Variants in FAM47E observed in about 807,000 individuals in gnomAD.
The protein encoded by FAM47E is protein FAM47E.
FAM47E carries 32 observed loss-of-function variants against 41.6 expected under a neutral mutation model. The ratio of observed to expected loss-of-function variants is 0.77; its 90% CI spans 0.58 to 1.03. The LOEUF (loss-of-function observed/expected upper bound fraction) is 1.03. Among genes scored for constraint, FAM47E ranks in the 50% least tolerant of loss-of-function variants. The probability of loss-of-function intolerance (pLI) is 0.00; values close to 1 mark genes in which losing one functional copy is unlikely to be tolerated. For synonymous variants in FAM47E, 184 were observed against 188.7 expected (o/e 0.98, Z 0.20); for missense variants, 424 against 485.4 (o/e 0.87, Z 1.19).
chr4:76,256,580 A>C (rs755336012), intron 2 of FAM47E, 57 bp downstream of exon 2: 41 of 1,469,966 alleles, frequency 2.8e-5, no homozygotes, highest in Non-Finnish European at 3.6e-5. Context: ...AAATAATTCT[A>C]TCTAAATGTC....
At chr4:76,267,896 T>C (rs1734708326) in intron 3 of FAM47E, 1 of 151,872 alleles carries the variant, frequency 6.6e-6, no homozygotes, top group Non-Finnish European at 1.5e-5. Flanking sequence ...AATGGGGAAA[T>C]GGTGAGTGAT....
chr4:76,266,171 G>T (rs904299441), intron 3 of FAM47E, among the ~76,000 whole-genome samples: 1 of 152,118 alleles, frequency 6.6e-6, no homozygotes, highest in Admixed American at 6.6e-5. Context: ...GGACCTCTCC[G>T]TAGTCATCTT....
chr4:76,271,585 TGAA>T lies in FAM47E; in HGVS notation c.690_692del (p.Glu231del). Reference sequence around the variant, plus strand: ...TCTTCCAGGGAATTTCGGACATCGATGAAGAGTTCATCTTGAAACAGTTTGACA... The same window carrying T: ...TCTTCCAGGGAATTTCGGACATCGATGAGTTCATCTTGAAACAGTTTGACA... On this transcript the variant is annotated inframe_deletion, in exon 5 of 8. Transcript: ENST00000424749. 1 of 1,552,178 alleles carries T rather than the reference TGAA, an allele frequency of 6.4e-7. No homozygotes were observed. The highest frequency in any genetic ancestry group is 8.7e-7 in the Non-Finnish European group (1 of 1,147,092).
At chr4:76,214,176 A>G (rs1733150763) in exon 1 of FAM47E, 1 of 452,964 alleles carries the variant, frequency 2.2e-6, no homozygotes, top group South Asian at 1.6e-5. Flanking sequence ...TGGCTGGGAC[A>G]TTCCCCTGCT....
chr4:76,219,525 C>T (rs945459017), intron 2 of FAM47E, among the ~76,000 whole-genome samples: 6 of 151,982 alleles, frequency 3.9e-5, no homozygotes, highest in Non-Finnish European at 5.9e-5. Flanking sequence ...ATAAACAACA[C>T]GAGAGGTCAC....
upstream of FAM47E, chr4:76,251,592 G>C: frequency 7.7e-7 from 1 of 1,303,232 alleles, no homozygotes; most frequent in Non-Finnish European, 9.8e-7. Flanking sequence ...CCCAGGCGTC[G>C]GAGAAGGGGT....
rs1243070439 is a variant in FAM47E at position 76,282,382 on chromosome 4, T to C, written c.1105-999T>C. The C allele has an allele frequency of 5.3e-5, 8 of 152,244 alleles. No homozygotes were observed. In the South Asian group the frequency reaches 6.2e-4, roughly 12 times the overall value. 9.4% of individuals were successfully genotyped at this position (152,244 alleles called of 1,614,324 possible). A position where few individuals can be genotyped will look rare whatever the true frequency, so the allele number is the denominator to read the frequency against. The stretch of plus-strand genomic sequence containing the variant: ...TCCATATGGACAGGCGCCCCCCATG[T>C]GTCCGTTTATAGGCTTTCCACAAGG... On this transcript the variant is annotated intron_variant, in intron 7 of 7. Transcript: ENST00000424749.
At chr4:76,250,380 G>A (rs972400177), upstream of FAM47E, among the ~76,000 whole-genome samples, 1 of 152,014 alleles carries the variant, frequency 6.6e-6, no homozygotes, top group Non-Finnish European at 1.5e-5. Context: ...GTCTATTCAT[G>A]TCCTTAGCCC....
At chr4:76,223,445 C>G (rs886354492) in intron 2 of FAM47E, among the ~76,000 whole-genome samples, 1 of 152,200 alleles carries the variant, frequency 6.6e-6, no homozygotes, top group Admixed American at 6.5e-5. Context: ...TGTGAGAAGA[C>G]AGCAGAATCC....
intron 7 of FAM47E, 53 bp downstream of exon 7, chr4:76,280,394 GT>G: frequency 1.9e-6 from 2 of 1,047,162 alleles, no homozygotes; most frequent in Admixed American, 2.4e-5. Context: ...ATGGCTCACA[GT>G]TGTTGACGGG....
chr4:76,249,556 G>A (rs777923695), upstream of FAM47E, among the ~76,000 whole-genome samples: 45 of 151,732 alleles, frequency 3.0e-4, no homozygotes, highest in Non-Finnish European at 4.4e-4. Flanking sequence ...CTGGGCATCC[G>A]TTATTTGTTT....
At chr4:76,263,917 TTCTCA>T in intron 3 of FAM47E, 74 bp downstream of exon 3, 1 of 1,503,356 alleles carries the variant, frequency 6.7e-7, no homozygotes, top group South Asian at 1.3e-5. Context: ...TTCTTAAAAC[TTCTCA>T]TCTTTAGAAT....
chr4:76,219,560 A>G (rs1733271455), intron 2 of FAM47E, among the ~76,000 whole-genome samples: 1 of 152,162 alleles, frequency 6.6e-6, no homozygotes, highest in African/African-American at 2.4e-5. Context: ...GATGTGTTCC[A>G]TGGGGAGAAG....
At chr4:76,270,443 A>G (rs4859654) in intron 4 of FAM47E, among the ~76,000 whole-genome samples, 51,411 of 152,028 alleles carry the variant, frequency 0.34, 9,754 homozygotes, top group Non-Finnish European at 0.41. Context: ...GGGGGTGTCC[A>G]GCCCAGCTGC....
Position 76,280,268 on chromosome 4 carries a change from A to C in FAM47E, c.1031A>C (p.Glu344Ala). 6.5e-7 allele frequency: 1 copy of C among 1,547,534 alleles called. No homozygotes were observed. ...CAAATGTGGGTACTCTTTTAGGAGG[A>C]GTTACTTGCAGACCTTCACGGAACA... is the stretch of plus-strand genomic sequence containing the variant. ...NFKKELQEQE[E>A]LLADLHGTVA... The change falls in exon 7 of 8, where the codon GAG becomes GCG. Residue 344 changes from glutamate (E) to alanine (A), a missense_variant. By Grantham distance (107) the Glu-to-Ala change is moderately radical. Transcript: ENST00000424749.
intron 2 of FAM47E, among the ~76,000 whole-genome samples, chr4:76,232,521 T>G (rs182305393): frequency 6.6e-4 from 101 of 152,366 alleles, no homozygotes; most frequent in African/African-American, 2.4e-3. Context: ...GTTTTCTCTG[T>G]GGTTTACAAT....
chr4:76,237,358 T>TTGG (rs1464514465), intron 2 of FAM47E, among the ~76,000 whole-genome samples: 1 of 137,082 alleles, frequency 7.3e-6, no homozygotes, highest in African/African-American at 2.6e-5. Context: ...AGAGTTTTTT[T>TTGG]TTTTTTGTTT....
chr4:76,231,507 G>A (rs1733491834), intron 2 of FAM47E, among the ~76,000 whole-genome samples: 2 of 147,034 alleles, frequency 1.4e-5, no homozygotes, highest in Admixed American at 7.0e-5. Flanking sequence ...TTTCTCACTC[G>A]CCAGTCCTCA....
intron 6 of FAM47E, chr4:76,279,014 T>A (rs997273871): frequency 2.0e-5 from 3 of 152,248 alleles, no homozygotes; most frequent in African/African-American, 7.2e-5. Context: ...TCTTCAGTAA[T>A]CACTCATCAA....
Sources: allele counts gnomAD v4.1 joint callset (sites outside exome capture counted in the v4.1 genomes callset), GRCh38; gene constraint gnomAD v4.1.1; transcripts MANE v1.5; gene names NCBI Gene and HGNC (gene_info 2026-07-23, HGNC 2026-07-21).